DNAAF4: variants seen among roughly 807,000 people sequenced by gnomAD.
The protein encoded by DNAAF4 is dynein assembly factor 4, axonemal.
DNAAF4 carries 43 observed loss-of-function variants against 51.8 expected under a neutral mutation model. The ratio of observed to expected loss-of-function variants is 0.83; its 90% CI spans 0.65 to 1.07. DNAAF4 has a LOEUF of 1.07. Ranked by LOEUF, DNAAF4 falls within the 50% of genes least tolerant of loss-of-function variation. DNAAF4 has a pLI of 0.00. For missense variants in DNAAF4, 581 were observed against 493.0 expected (o/e 1.18, Z -1.69); for synonymous variants, 194 against 165.6 (o/e 1.17, Z -1.32).
At chr15:55,426,478 A>G (rs2057431672), downstream of DNAAF4, among the ~76,000 whole-genome samples, 2 of 152,230 alleles carry the variant, frequency 1.3e-5, no homozygotes, top group Admixed American at 1.3e-4. Context: ...AGGACAGCTT[A>G]AAGGTTAGAA....
At position 55,418,727 on chromosome 15, in the gene DNAAF4, C is replaced by T. The variant is rs774212834; in HGVS notation, c.1048-594G>A. On this transcript the variant is annotated intron_variant, in intron 7 of 7. Coordinates refer to the DNAAF4 transcript ENST00000448430. Reference sequence around the variant, plus strand: ...TCAACTGATAACTACATGACAGTGACTTTTTAAATGAAAATATGTTCAAAA... The same window carrying T: ...TCAACTGATAACTACATGACAGTGATTTTTTAAATGAAAATATGTTCAAAA... 7 of 533,968 alleles carry T rather than the reference C, an allele frequency of 1.3e-5. No homozygotes were observed. In the South Asian group the frequency reaches 2.5e-4, roughly 19 times the overall value. The allele number at this position is 533,968 out of a possible 1,614,324, so 33.1% of individuals were successfully genotyped here. A position where few individuals can be genotyped will look rare whatever the true frequency, so the allele number is the denominator to read the frequency against.
chr15:55,423,420 T>G (rs1477034549), intron 7 of DNAAF4, among the ~76,000 whole-genome samples: 2 of 152,004 alleles, frequency 1.3e-5, no homozygotes, highest in Non-Finnish European at 2.9e-5. Context: ...CTATGTTGCT[T>G]AGGTTAGTCT....
chr15:55,436,048 A>T (rs975980126), intron 7 of DNAAF4, among the ~76,000 whole-genome samples: 1 of 152,176 alleles, frequency 6.6e-6, no homozygotes, highest in Admixed American at 6.6e-5. Context: ...TCGGCCTCCC[A>T]AAGCGCTGGG....
At chr15:55,495,746 C>G (rs2058632505) in intron 3 of DNAAF4, among the ~76,000 whole-genome samples, 1 of 151,216 alleles carries the variant, frequency 6.6e-6, no homozygotes, top group Non-Finnish European at 1.5e-5. Context: ...TTAAAAAACT[C>G]AAAATTAAAA....
rs761475814 is a variant in DNAAF4 at position 55,419,504 on chromosome 15, T to C, written c.1048-1371A>G. 3.3e-5 allele frequency among the ~76,000 whole-genome samples: 5 copies of C among 152,020 alleles called. No homozygotes were observed. In the East Asian group the frequency reaches 9.7e-4, roughly 30 times the overall value. ...CATCCTGCCTCGGCCTCCCAAAGTGTTGGGATTACAGGAGTGAGCCACACT... is the reference window on the plus strand; with the variant it reads ...CATCCTGCCTCGGCCTCCCAAAGTGCTGGGATTACAGGAGTGAGCCACACT... On this transcript the variant is annotated intron_variant, in intron 7 of 7. Transcript: ENST00000448430.
rs2058495258 is a variant in DNAAF4, at chr15:55,486,745, T to G, written c.405+4378A>C. Among the ~76,000 whole-genome samples, 3 of 151,746 alleles carry G rather than the reference T, an allele frequency of 2.0e-5. No individual in the cohort carries two copies. In the South Asian group the frequency reaches 6.2e-4, roughly 31 times the overall value. On this transcript the variant is annotated intron_variant, in intron 4 of 9. Transcript: ENST00000321149. ...GTAGTGAGCTGTAATTGCGCCATTTTGCATTCCAGCCTGGGCAACAGACCC... is the reference window on the plus strand; with the variant it reads ...GTAGTGAGCTGTAATTGCGCCATTTGGCATTCCAGCCTGGGCAACAGACCC...
At chr15:55,427,312 C>T (rs968215043), downstream of DNAAF4, among the ~76,000 whole-genome samples, 1 of 152,162 alleles carries the variant, frequency 6.6e-6, no homozygotes, top group Non-Finnish European at 1.5e-5. Flanking sequence ...GTGATCCACT[C>T]GCCTAAGCCT....
At chr15:55,462,121 G>A (rs4326986) in intron 5 of DNAAF4, among the ~76,000 whole-genome samples, 148,262 of 152,242 alleles carry the variant, frequency 0.97, 72,304 homozygotes, top group East Asian at 1. Flanking sequence ...AAGACCAATA[G>A]CAGGTAGGGA....
Position 55,491,107 on chromosome 15 carries a change from T to C in DNAAF4, c.405+16A>G. On this transcript the variant is annotated intron_variant, in intron 4 of 9. Coordinates refer to ENST00000321149, the MANE Select transcript of DNAAF4 (RefSeq NM_130810.4). ...ATTATCTCTTTAGAGGACTTGCCTG[T>C]CATTCTGCAACTTACCTTCATCATG... 6.2e-7 allele frequency: 1 copy of C among 1,613,932 alleles called. No homozygotes were observed. The highest frequency in any genetic ancestry group is 8.5e-7 in the Non-Finnish European group (1 of 1,179,960).
At position 55,430,560 on chromosome 15, in the gene DNAAF4, T is replaced by G; in HGVS notation, c.*110A>C. 2.9e-6 allele frequency: 4 copies of G among 1,386,962 alleles called. No individual in the cohort carries two copies. The highest frequency in any genetic ancestry group is 3.7e-6 in the Non-Finnish European group (4 of 1,069,100). The allele number at this position is 1,386,962 out of a possible 1,614,324, so 85.9% of individuals were successfully genotyped here. A position where few individuals can be genotyped will look rare whatever the true frequency, so the allele number is the denominator to read the frequency against. ...TATAATATTTTGCCCTCAACAGAAC[T>G]AAAGTACTAAACAGAAAGCGATTCT... is the stretch of plus-strand genomic sequence containing the variant. On this transcript the variant is annotated 3_prime_UTR_variant, in exon 10 of 10. Transcript: ENST00000321149.
intron 7 of DNAAF4, among the ~76,000 whole-genome samples, chr15:55,422,177 G>GA (rs1391205175): frequency 6.6e-6 from 1 of 152,000 alleles, no homozygotes; most frequent in Admixed American, 6.6e-5. Context: ...AGTGTTACGG[G>GA]AAAAAACATA....
rs1207694690 is a variant in DNAAF4, at chr15:55,491,197, C to G, written c.331G>C (p.Ala111Pro). The G allele has an allele frequency of 6.2e-7, 1 of 1,614,014 alleles. No homozygotes were observed. The change falls in exon 4 of 10, where the codon GCA (alanine) becomes CCA (proline). Residue 111 changes from alanine (A) to proline (P), a missense_variant. Physicochemically the swap from Ala to Pro is conservative, Grantham distance 27. Coordinates refer to ENST00000321149, the MANE Select transcript of DNAAF4 (RefSeq NM_130810.4). ...GCTTTTGCTTCTGTAGCTTCTTTTG[C>G]TCTCTCTTGTGCTTGTAAAATAGAT... ...EKSILQAQER[A>P]KEATEAKAAA... is the part of the protein sequence containing the mutation.
chr15:55,479,854 C>A (rs914350861), intron 4 of DNAAF4, among the ~76,000 whole-genome samples: 1 of 152,102 alleles, frequency 6.6e-6, no homozygotes, highest in African/African-American at 2.4e-5. Flanking sequence ...AAACTCCACC[C>A]TCGTAAATTT....
intron 4 of DNAAF4, 60 bp downstream of exon 4, chr15:55,491,063 T>C (rs2058564673): frequency 6.3e-7 from 1 of 1,591,640 alleles, no homozygotes; most frequent in African/African-American, 1.4e-5. Flanking sequence ...TGGAACTCAC[T>C]ATCCTCACAT....
At chr15:55,465,729 G>A (rs1317366083) in intron 5 of DNAAF4, among the ~76,000 whole-genome samples, 2 of 151,964 alleles carry the variant, frequency 1.3e-5, no homozygotes, top group African/African-American at 4.8e-5. Flanking sequence ...ACCACACCTG[G>A]TTAATTTTGT....
At chr15:55,487,823 T>C (rs1040811941) in intron 4 of DNAAF4, among the ~76,000 whole-genome samples, 1 of 152,198 alleles carries the variant, frequency 6.6e-6, no homozygotes, top group East Asian at 1.9e-4. Flanking sequence ...GTGTGCCTTA[T>C]TTTCATATAC....
chr15:55,481,179 T>C lies in DNAAF4; in HGVS notation c.405+9944A>G, dbSNP rs535925626. Among the ~76,000 whole-genome samples, 21 of 152,230 alleles carry C rather than the reference T, an allele frequency of 1.4e-4. No homozygotes were observed. The South Asian group carries it at 4.3e-3, about 32-fold the overall frequency. ...CTTGGGTATGTCTTCATTAGCAGTG[T>C]GAGAATGGACTAATACAGGGACTGG... is the stretch of plus-strand genomic sequence containing the variant. On this transcript the variant is annotated intron_variant, in intron 4 of 9. Transcript: ENST00000321149.
At chr15:55,469,569 G>A (rs1478015671) in intron 4 of DNAAF4, among the ~76,000 whole-genome samples, 5 of 125,840 alleles carry the variant, frequency 4.0e-5, no homozygotes, top group East Asian at 5.6e-4. Context: ...TGCAAGCTCC[G>A]CCTCCTGGGT....
rs574112736 is a variant in DNAAF4 at position 55,505,774 on chromosome 15, G to C, written c.-256+2348C>G. 2.1e-3 allele frequency among the ~76,000 whole-genome samples: 325 copies of C among 152,180 alleles called. 3 individuals carry two copies. The highest frequency in any genetic ancestry group is 0.02 in the Middle Eastern group (6 of 294). ...CACACTGGGGCCTGTTGAGAGGTGG[G>C]GGGGCTGGGGGAGGGATAGCGTTAG... On this transcript the variant is annotated intron_variant, in intron 1 of 9. Transcript: ENST00000321149.
Sources: gnomAD v4.1 joint callset for allele counts (sites outside exome capture counted in the v4.1 genomes callset) on GRCh38, gnomAD v4.1.1 for gene constraint, MANE v1.5 for transcripts, NCBI Gene and HGNC (gene_info 2026-07-23, HGNC 2026-07-21) for gene names.